The following SLC2A7 variants were observed in gnomAD, a reference collection of about 807,000 sequenced individuals.
The protein encoded by SLC2A7 is solute carrier family 2 member 7, also known as solute carrier family 2, facilitated glucose transporter member 7.
Under a neutral mutation model 50.5 loss-of-function variants are expected in SLC2A7, and 50 were observed. That is an observed-to-expected ratio of 0.99 (90% CI 0.79 to 1.25). The LOEUF (loss-of-function observed/expected upper bound fraction) is 1.25. SLC2A7 is among the 50% of genes most tolerant of loss of function. The probability of loss-of-function intolerance (pLI) is 0.00; values close to 1 mark genes in which losing one functional copy is unlikely to be tolerated. For missense variants in SLC2A7, 683 were observed against 679.1 expected (o/e 1.01, Z -0.06); for synonymous variants, 308 against 300.4 (o/e 1.03, Z -0.26).
chr1:9,015,981 T>C (rs1640825124), intron 5 of SLC2A7, among the ~76,000 whole-genome samples: 1 of 152,062 alleles, frequency 6.6e-6, no homozygotes, highest in African/African-American at 2.4e-5. Flanking sequence ...TCCTCCTGCC[T>C]TGGCCTCCCA....
Position 9,015,181 on chromosome 1 carries a change from G to A in SLC2A7, c.651C>T (p.Pro217=), listed in dbSNP as rs1258886890. 4.3e-6 allele frequency: 7 copies of A among 1,612,250 alleles called. No individual in the cohort carries two copies. Among genetic ancestry groups the A allele is most frequent in the Non-Finnish European group, 5.9e-6 (7 of 1,179,576 alleles). The change falls in exon 6 of 12, where the codon CCC becomes CCT. Residue 217 remains proline (P), a synonymous_variant. Transcript: ENST00000400906. ...AGTAGCGGGGGCTTTCGGGGAAGAA[G>A]GGCAGGGTCAGCAGCTGCAGCAGGG... The part of the protein sequence containing the change: ...VPALLQLLTL[P]FFPESPRYSL...
At position 9,008,477 on chromosome 1, in the gene SLC2A7, A is replaced by T. The variant is rs931391238; in HGVS notation, c.1117-1092T>A. Among the ~76,000 whole-genome samples, 4 of 152,118 alleles carry T rather than the reference A, an allele frequency of 2.6e-5. No homozygotes were observed. The highest frequency in any genetic ancestry group is 9.7e-5 in the African/African-American group (4 of 41,420). ...CCTGGTTGGACAGAAGGAGTGAAAG[A>T]GCCACCGGGGATGCCCCTAGGTTTC... is the stretch of plus-strand genomic sequence containing the variant. On this transcript the variant is annotated intron_variant, in intron 9 of 11. Coordinates refer to ENST00000400906, the MANE Select transcript of SLC2A7 (RefSeq NM_207420.3). This position sits in a 1 kb window ranked among gnomAD's most constrained non-coding sequence, Gnocchi z 5.9.
intron 4 of SLC2A7, 30 bp downstream of exon 4, chr1:9,019,179 A>G (rs987902217): frequency 6.2e-7 from 1 of 1,609,150 alleles, no homozygotes; most frequent in African/African-American, 1.3e-5. Context: ...CCTTCCCCCA[A>G]GGCTGAGCCG....
chr1:8,997,583 A>G, the SLC2A7 span, among the ~76,000 whole-genome samples: 6 of 152,008 alleles, frequency 3.9e-5, no homozygotes, highest in Non-Finnish European at 7.4e-5. Context: ...TATTTTTAGT[A>G]GAGACGGGGT....
At chr1:9,009,646 T>A (rs1640714530) in intron 9 of SLC2A7, among the ~76,000 whole-genome samples, 1 of 152,132 alleles carries the variant, frequency 6.6e-6, no homozygotes, top group Admixed American at 6.5e-5. Flanking sequence ...TTTGTAGAGA[T>A]GGGGTCTCAC....
chr1:9,018,881 G>C (rs1208093852), intron 4 of SLC2A7, among the ~76,000 whole-genome samples: 1 of 152,168 alleles, frequency 6.6e-6, no homozygotes, highest in Non-Finnish European at 1.5e-5. Context: ...AAGGGAAGGG[G>C]CTAGTAAGCG....
At chr1:9,022,196 C>A (rs537509382) in intron 3 of SLC2A7, among the ~76,000 whole-genome samples, 1 of 152,192 alleles carries the variant, frequency 6.6e-6, no homozygotes, top group Non-Finnish European at 1.5e-5. Flanking sequence ...GTCACTCCTG[C>A]AAGCTGTCTA....
chr1:9,010,871 A>C (rs12116944), intron 8 of SLC2A7, among the ~76,000 whole-genome samples: 13,651 of 152,158 alleles, frequency 0.09, 803 homozygotes, highest in Admixed American at 0.16. Context: ...ACATCTTGGG[A>C]CCTTTATGGC....
chr1:8,995,949 G>T, the SLC2A7 span, among the ~76,000 whole-genome samples: 1 of 151,984 alleles, frequency 6.6e-6, no homozygotes, highest in Non-Finnish European at 1.5e-5. Flanking sequence ...TAGATTATTT[G>T]CAGAGACAAG....
rs1640699689 is a variant in SLC2A7 at position 9,008,854 on chromosome 1, C to T, written c.1116+1289G>A. Among the ~76,000 whole-genome samples the T allele has an allele frequency of 6.6e-6, 1 of 152,202 alleles. No individual in the cohort carries two copies. Among genetic ancestry groups the T allele is most frequent in the South Asian group, 2.1e-4 (1 of 4,830 alleles). ...CAGGTGATCCACCCGCTTTGGCTTC[C>T]CAAAGTGCTGGGATTACAGGTGTGA... On this transcript the variant is annotated intron_variant, in intron 9 of 11. Transcript: ENST00000400906. This position sits in a 1 kb window ranked among gnomAD's most constrained non-coding sequence, Gnocchi z 5.9.
At chr1:9,019,385 C>T (rs753854675) in intron 3 of SLC2A7, 52 bp from the exon 4 acceptor site, 2 of 1,602,048 alleles carry the variant, frequency 1.2e-6, no homozygotes, top group Non-Finnish European at 1.7e-6. Flanking sequence ...CCGCGGAAGC[C>T]CTCCCAACAC....
chr1:9,020,507 C>T (rs941187154), intron 3 of SLC2A7, among the ~76,000 whole-genome samples: 2 of 151,740 alleles, frequency 1.3e-5, no homozygotes, highest in African/African-American at 2.4e-5. Context: ...CTGCTTGACT[C>T]TGTGCTCTAG....
intron 7 of SLC2A7, 28 bp from the exon 8 acceptor site, chr1:9,013,663 C>A (rs1557649562): frequency 6.3e-7 from 1 of 1,599,954 alleles, no homozygotes. Flanking sequence ...GCTGTCAGGA[C>A]AGGCCGGAAG....
Position 9,015,213 on chromosome 1 carries a change from C to T in SLC2A7, c.619G>A (p.Val207Met), listed in dbSNP as rs754545256. 19 of 1,605,658 alleles carry T rather than the reference C, an allele frequency of 1.2e-5. No individual in the cohort carries two copies. The highest frequency in any genetic ancestry group is 1.6e-5 in the Non-Finnish European group (19 of 1,177,284). ...GWPVLLALTG[V>M]PALLQLLTLP... is the part of the protein sequence containing the mutation. ...GTCAGCAGCTGCAGCAGGGCGGGCACCCCTGTGAGCGCCAGAAGCACCGGC... is the reference window on the plus strand; with the variant it reads ...GTCAGCAGCTGCAGCAGGGCGGGCATCCCTGTGAGCGCCAGAAGCACCGGC... Residue 207 changes from valine (V) to methionine (M), a missense_variant, in exon 6 of 12, where the codon GTG (valine) becomes ATG (methionine). By Grantham distance (21) the Val-to-Met change is conservative. Coordinates refer to ENST00000400906, the MANE Select transcript of SLC2A7 (RefSeq NM_207420.3).
In SLC2A7 at chr1:9,025,036, C is replaced by T. The variant is rs200569052; in HGVS notation, c.90G>A (p.Ala30=). The change falls in exon 2 of 12, where the codon GCG becomes GCA. Residue 30 remains alanine, a synonymous_variant. Transcript: ENST00000400906. The stretch of plus-strand genomic sequence containing the variant: ...CGTACTGGAAGGCTGAGCCAAAGGC[C>T]GCGCTCAGTGTCGCCAGCAACAGCG... ...QPTLLLATLS[A]AFGSAFQYGY... is the part of the protein sequence containing the mutation. 14 of 1,613,846 alleles carry T rather than the reference C, an allele frequency of 8.7e-6. No homozygotes were observed. The highest frequency in any genetic ancestry group is 6.7e-5 in the Admixed American group (4 of 60,012).
intron 3 of SLC2A7, among the ~76,000 whole-genome samples, chr1:9,020,315 G>C (rs568559292): frequency 7.9e-5 from 12 of 152,180 alleles, no homozygotes; most frequent in Non-Finnish European, 1.5e-4. Flanking sequence ...TTCTAGACTA[G>C]ACACGATGAC....
In SLC2A7 at chr1:9,010,213, T is replaced by A. The variant is rs1404789024; in HGVS notation, c.1046A>T (p.His349Leu). ...GATGCCGTAGCCGGCCAGCAGGAGG[T>A]GCCGCCGTCCCAGCCGCTCCACAAG... is the stretch of plus-strand genomic sequence containing the variant. Reference protein sequence around the residue: ...AVLVERLGRRHLLLAGYGICG... With the variant: ...AVLVERLGRRLLLLAGYGICG... Residue 349 changes from histidine to leucine, a missense_variant, in exon 9 of 12, where the codon CAC becomes CTC. By Grantham distance (99) the His-to-Leu change is moderately conservative (BLOSUM62 -3). Coordinates refer to ENST00000400906, the MANE Select transcript of SLC2A7 (RefSeq NM_207420.3). 6.4e-7 allele frequency: 1 copy of A among 1,550,928 alleles called. No homozygotes were observed. Among genetic ancestry groups the A allele is most frequent in the Admixed American group, 2.0e-5 (1 of 50,986 alleles).
chr1:9,005,276 C>A, intron 10 of SLC2A7, among the ~76,000 whole-genome samples: 1 of 152,332 alleles, frequency 6.6e-6, no homozygotes, highest in South Asian at 2.1e-4. Context: ...AGACCGCCCG[C>A]GCTTGGGAAG....
At chr1:9,019,431 C>G in intron 3 of SLC2A7, 98 bp from the exon 4 acceptor site, 1 of 1,504,722 alleles carries the variant, frequency 6.6e-7, no homozygotes, top group Non-Finnish European at 8.9e-7. Context: ...TACAGAGGCG[C>G]GGGGAATGTG....
Sources: gnomAD v4.1 joint callset for allele counts (sites outside exome capture counted in the v4.1 genomes callset) on GRCh38, gnomAD v4.1.1 for gene constraint, Gnocchi (gnomAD v3.1) non-coding constraint, MANE v1.5 for transcripts, NCBI Gene and HGNC (gene_info 2026-07-23, HGNC 2026-07-21) for gene names.